MAPK6: variants seen among roughly 807,000 people sequenced by gnomAD.
MAPK6 encodes the protein ERK-3.
In MAPK6, 19 loss-of-function variants were observed where a neutral mutation model predicts 59.3. The observed-to-expected ratio is 0.32, with a 90% CI of 0.22 to 0.47. The LOEUF is 0.47. Among genes scored for constraint, MAPK6 ranks in the 20% least tolerant of loss-of-function variants. MAPK6 has a pLI of 1.00. For synonymous variants in MAPK6, 316 were observed against 290.3 expected (o/e 1.09, Z -0.90); for missense variants, 724 against 847.9 (o/e 0.85, Z 1.81).
At chr15:52,058,520 A>T in intron 3 of MAPK6, 113 bp from the exon 4 acceptor site, 1 of 850,322 alleles carries the variant, frequency 1.2e-6, no homozygotes, top group Non-Finnish European at 1.7e-6. Flanking sequence ...TGATGATACA[A>T]TTCAAACTTT....
chr15:51,992,399 TCACACCATTCTCCTGCCTCAGC>T (rs1389144827), intron 2 of MAPK6, among the ~76,000 whole-genome samples: 4 of 151,318 alleles, frequency 2.6e-5, no homozygotes, highest in Non-Finnish European at 5.9e-5. Flanking sequence ...CCTCCCAGGT[TCACACCATTCTCCTGCCTCAGC>T]CTCCCGGGTA....
chr15:52,058,785 A>G lies in MAPK6; in HGVS notation c.853A>G (p.Ile285Val). 4 of 1,611,714 alleles carry G rather than the reference A, an allele frequency of 2.5e-6. No homozygotes were observed. Among genetic ancestry groups the G allele is most frequent in the Non-Finnish European group, 3.4e-6 (4 of 1,178,672 alleles). Residue 285 changes from isoleucine (I) to valine (V), a missense_variant, in exon 4 of 6, where the codon ATT (isoleucine) becomes GTT (valine). Around this residue, in one of 4 missense-constraint regions of MAPK6, gnomAD observed 502 missense variants for 507.6 expected, o/e 0.99. Transcript: ENST00000261845. The part of the protein sequence containing the change: ...HKPLTQLLPG[I>V]SREALDFLEQ... Reference sequence around the variant, plus strand: ...ACCTTTAACTCAGCTGCTTCCAGGAATTAGTCGAGAAGGTATTGTGACTCG... The same window carrying G: ...ACCTTTAACTCAGCTGCTTCCAGGAGTTAGTCGAGAAGGTATTGTGACTCG...
intron 4 of MAPK6, among the ~76,000 whole-genome samples, chr15:52,059,354 C>T (rs559946456): frequency 4.6e-5 from 7 of 152,262 alleles, no homozygotes; most frequent in African/African-American, 1.7e-4. Context: ...TCTTGAACTC[C>T]TGAGCTCAAG....
Position 51,998,687 on chromosome 15 carries a change from A to ATTTTTTTTT in MAPK6, c.-769-5565_-769-5557dup, listed in dbSNP as rs964775744. The stretch of plus-strand genomic sequence containing the variant: ...AGGCGTGCGCCACCATGCCTGGTTA[A>ATTTTTTTTT]TTTTTTTTTTTTTTTTTTTTTGAGA... On this transcript the variant is annotated intron_variant, in intron 2 of 7. Transcript: ENST00000691380. 3.1e-4 allele frequency among the ~76,000 whole-genome samples: 12 copies of ATTTTTTTTT among 38,492 alleles called. 4 individuals carry two copies. Among genetic ancestry groups the ATTTTTTTTT allele is most frequent in the Admixed American group, 5.6e-4 (1 of 1,776 alleles). 25.3% of individuals were successfully genotyped at this position (38,492 alleles called of 152,430 possible).
rs755468164 is a variant in MAPK6, at chr15:52,050,112, G to A, written c.675G>A (p.Met225Ile). ...MWAAGCIFAE[M>I]LTGKTLFAGA... The stretch of plus-strand genomic sequence containing the variant: ...CTGCAGGCTGCATCTTTGCTGAAAT[G>A]CTGACTGGTAAAACCCTTTTTGCAG... Residue 225 changes from methionine to isoleucine, a missense_variant, in exon 3 of 6, where the codon ATG (methionine) becomes ATA (isoleucine). This residue lies in a region of MAPK6 where 105 missense variants were observed against 191.9 expected (regional missense o/e 0.55). Transcript: ENST00000261845. 4.2e-5 allele frequency: 67 copies of A among 1,610,630 alleles called. No homozygotes were observed. Among genetic ancestry groups the A allele is most frequent in the Non-Finnish European group, 5.5e-5 (65 of 1,179,336 alleles).
chr15:51,991,743 C>T (rs1016662431), intron 2 of MAPK6, among the ~76,000 whole-genome samples: 7 of 152,276 alleles, frequency 4.6e-5, no homozygotes, highest in South Asian at 2.1e-4. Context: ...GTGACTTGAA[C>T]GATATGTAGG....
chr15:52,053,418 G>T (rs1435570114), intron 3 of MAPK6, among the ~76,000 whole-genome samples: 2 of 152,098 alleles, frequency 1.3e-5, no homozygotes, highest in African/African-American at 4.8e-5. Flanking sequence ...ACTAATGGAT[G>T]ATTGAATGTC....
intron 3 of MAPK6, among the ~76,000 whole-genome samples, chr15:52,051,889 T>G (rs1213899442): frequency 6.6e-6 from 1 of 151,598 alleles, no homozygotes. Flanking sequence ...AAAAAAAAAT[T>G]TCTAAGATGT....
intron 1 of MAPK6, among the ~76,000 whole-genome samples, chr15:51,975,960 T>C (rs2057156006): frequency 6.6e-6 from 1 of 151,790 alleles, no homozygotes; most frequent in South Asian, 2.1e-4. Context: ...GACAAACATA[T>C]TTCTTCATAT....
chr15:52,033,826 G>C (rs936902430), intron 1 of MAPK6: 1 of 151,466 alleles, frequency 6.6e-6, no homozygotes, highest in African/African-American at 2.4e-5. Flanking sequence ...TTTTTGGGTT[G>C]ATAGTTTTTT....
At chr15:52,025,154 T>C (rs1159058271) in intron 1 of MAPK6, among the ~76,000 whole-genome samples, 1 of 152,046 alleles carries the variant, frequency 6.6e-6, no homozygotes, top group African/African-American at 2.4e-5. Context: ...GATGAGAGGA[T>C]TGCTTGAGCC....
chr15:51,971,915 G>A (rs1015279010), intron 1 of MAPK6: 2 of 677,934 alleles, frequency 3.0e-6, no homozygotes, highest in African/African-American at 1.8e-5. Context: ...GGGTATGCAT[G>A]GTATATAAGC....
At chr15:51,979,215 GAAAA>G (rs1437410391) in intron 1 of MAPK6, among the ~76,000 whole-genome samples, 1 of 111,156 alleles carries the variant, frequency 9.0e-6, no homozygotes, top group Non-Finnish European at 1.9e-5. Context: ...AAAGAAGAAA[GAAAA>G]AAAGAGAAAG....
At position 51,989,626 on chromosome 15, in the gene MAPK6, A is replaced by C. The variant is rs554367013; in HGVS notation, c.-770+6311A>C. On this transcript the variant is annotated intron_variant, in intron 2 of 7. Coordinates refer to the MAPK6 transcript ENST00000691380. Reference sequence around the variant, plus strand: ...TATTTTTTATTTTTTTAGAGACAGGATCTCACTCTGTTGCCCAGGCTGGAG... The same window carrying C: ...TATTTTTTATTTTTTTAGAGACAGGCTCTCACTCTGTTGCCCAGGCTGGAG... Among the ~76,000 whole-genome samples, 454 of 151,396 alleles carry C rather than the reference A, an allele frequency of 3.0e-3. 3 individuals carry two copies. The highest frequency in any genetic ancestry group is 0.01 in the African/African-American group (432 of 41,286).
At chr15:51,979,326 G>C (rs1446249174) in intron 1 of MAPK6, among the ~76,000 whole-genome samples, 1 of 151,714 alleles carries the variant, frequency 6.6e-6, no homozygotes, top group Non-Finnish European at 1.5e-5. Flanking sequence ...CAGCTAAGAA[G>C]ACTTGCTCAG....
chr15:52,061,865 A>G (rs997479477), intron 5 of MAPK6, among the ~76,000 whole-genome samples: 1 of 152,138 alleles, frequency 6.6e-6, no homozygotes, highest in Non-Finnish European at 1.5e-5. Flanking sequence ...TAGATGATAT[A>G]TGGGAAAAGT....
At chr15:51,980,628 T>G (rs2057170191) in intron 1 of MAPK6, among the ~76,000 whole-genome samples, 1 of 150,922 alleles carries the variant, frequency 6.6e-6, no homozygotes, top group South Asian at 2.1e-4. Context: ...TCTTGCTCTG[T>G]TGCCCAGACT....
chr15:52,020,649 G>T (rs4420478), intron 1 of MAPK6, among the ~76,000 whole-genome samples: 12 of 152,202 alleles, frequency 7.9e-5, no homozygotes, highest in African/African-American at 2.4e-5. Flanking sequence ...CTGACCAGAA[G>T]AATGTAGGGT....
chr15:52,059,466 T>G (rs11070879), intron 4 of MAPK6, among the ~76,000 whole-genome samples: 37,935 of 151,904 alleles, frequency 0.25, 5,151 homozygotes, highest in South Asian at 0.54. Flanking sequence ...TAATTCTGAA[T>G]TGGGAGGTGG....
Sources: allele counts gnomAD v4.1 joint callset (sites outside exome capture counted in the v4.1 genomes callset), GRCh38; gene constraint gnomAD v4.1.1; regional missense constraint gnomAD v4.1.1; transcripts MANE v1.5; gene names NCBI Gene and HGNC (gene_info 2026-07-23, HGNC 2026-07-21).